The following AMPH variants were observed in gnomAD, a reference collection of about 807,000 sequenced individuals.
The protein encoded by AMPH is amphiphysin, also known as amphiphysin (Stiff-Mann syndrome with breast cancer 128kD autoantigen).
In AMPH, 49 loss-of-function variants were observed where a neutral mutation model predicts 99.1. The ratio of observed to expected loss-of-function variants is 0.49; its 90% CI spans 0.39 to 0.63. The LOEUF (loss-of-function observed/expected upper bound fraction) is 0.63. AMPH is among the 20% of genes least tolerant of loss of function. The probability of loss-of-function intolerance (pLI) is 0.00; values close to 1 mark genes in which losing one functional copy is unlikely to be tolerated. For missense variants in AMPH, 759 were observed against 863.4 expected (o/e 0.88, Z 1.52); for synonymous variants, 314 against 317.3 (o/e 0.99, Z 0.11).
chr7:38,611,431 GAA>G (rs1168972176), intron 1 of AMPH, among the ~76,000 whole-genome samples: 29 of 152,276 alleles, frequency 1.9e-4, no homozygotes, highest in African/African-American at 5.5e-4. Context: ...GTACACTTCA[GAA>G]TTTGTTAAGA....
chr7:38,520,866 C>CA (rs368842521), intron 2 of AMPH, among the ~76,000 whole-genome samples: 111 of 152,310 alleles, frequency 7.3e-4, no homozygotes, highest in African/African-American at 2.5e-3. Context: ...CATAGACCAC[C>CA]AACTATTCAC....
At position 38,398,440 on chromosome 7, in the gene AMPH, A is replaced by T. The variant is rs1212827137; in HGVS notation, c.1399-4226T>A. Among the ~76,000 whole-genome samples the T allele has an allele frequency of 2.0e-5, 3 of 152,250 alleles. No individual in the cohort carries two copies. In the East Asian group the frequency reaches 5.8e-4, roughly 29 times the overall value. ...TTATGTTAAGGGAAAAAAGCCAGGCACAGAAAGACAAACTTTGAATGTTCT... is the reference window on the plus strand; with the variant it reads ...TTATGTTAAGGGAAAAAAGCCAGGCTCAGAAAGACAAACTTTGAATGTTCT... On this transcript the variant is annotated intron_variant, in intron 17 of 20. Transcript: ENST00000356264.
intron 1 of AMPH, among the ~76,000 whole-genome samples, chr7:38,566,706 A>G (rs1033513079): frequency 6.6e-6 from 1 of 152,238 alleles, no homozygotes; most frequent in Non-Finnish European, 1.5e-5. Flanking sequence ...TACAAGAAAA[A>G]AAACATCAAA....
intron 1 of AMPH, among the ~76,000 whole-genome samples, chr7:38,619,499 G>A (rs1237222274): frequency 6.6e-6 from 1 of 152,154 alleles, no homozygotes; most frequent in Non-Finnish European, 1.5e-5. Flanking sequence ...CATCTAGATA[G>A]AAGATCAACA....
intron 19 of AMPH, among the ~76,000 whole-genome samples, chr7:38,390,358 C>T (rs1205253645): frequency 6.6e-6 from 1 of 152,124 alleles, no homozygotes; most frequent in Non-Finnish European, 1.5e-5. Context: ...TATTTCCTTC[C>T]TTCCCTATCC....
At chr7:38,627,788 T>C (rs1172776669) in intron 1 of AMPH, among the ~76,000 whole-genome samples, 1 of 152,076 alleles carries the variant, frequency 6.6e-6, no homozygotes, top group Non-Finnish European at 1.5e-5. Context: ...ATAGCTTTTA[T>C]TCATTAAAAG....
rs1480046895 is a variant in AMPH, at chr7:38,540,307, A to G, written c.70-5296T>C. The stretch of plus-strand genomic sequence containing the variant: ...CTGTTTTTCAAATGCAAAATAATAC[A>G]CTATGTTGACTAAGCTTTTCAAATT... On this transcript the variant is annotated intron_variant, in intron 1 of 20. Transcript: ENST00000356264. Among the ~76,000 whole-genome samples the G allele has an allele frequency of 1.3e-5, 2 of 152,244 alleles. 1 individual carries two copies. The highest frequency in any genetic ancestry group is 4.8e-5 in the African/African-American group (2 of 41,542).
chr7:38,511,266 G>A (rs528481774), intron 2 of AMPH, among the ~76,000 whole-genome samples: 6 of 152,276 alleles, frequency 3.9e-5, no homozygotes, highest in East Asian at 1.9e-4. Context: ...TTGATTGACC[G>A]AAGTTCTGCT....
intron 1 of AMPH, among the ~76,000 whole-genome samples, chr7:38,581,733 T>C (rs975354689): frequency 2.6e-5 from 4 of 152,054 alleles, no homozygotes; most frequent in African/African-American, 7.2e-5. Context: ...GGTGTAAAAA[T>C]GGTAGCATTC....
At chr7:38,521,056 C>A (rs1271167850) in intron 2 of AMPH, among the ~76,000 whole-genome samples, 1 of 152,116 alleles carries the variant, frequency 6.6e-6, no homozygotes, top group African/African-American at 2.4e-5. Context: ...AGATTTAGTA[C>A]TATGAATGTG....
intron 1 of AMPH, among the ~76,000 whole-genome samples, chr7:38,544,931 C>T (rs759598574): frequency 1.3e-5 from 2 of 152,170 alleles, no homozygotes; most frequent in Admixed American, 6.5e-5. Context: ...GAGATTCTTA[C>T]GTGTTTGGCC....
In AMPH at chr7:38,631,308, T is replaced by C; in HGVS notation, c.44A>G (p.Lys15Arg). 1 of 1,544,940 alleles carries C rather than the reference T, an allele frequency of 6.5e-7. No homozygotes were observed. Among genetic ancestry groups the C allele is most frequent in the Non-Finnish European group, 8.7e-7 (1 of 1,145,942 alleles). Residue 15 changes from lysine (K) to arginine (R), a missense_variant, in exon 1 of 21, where the codon AAG becomes AGG. Lys to Arg is a conservative substitution (Grantham distance 26). Coordinates refer to ENST00000356264, the MANE Select transcript of AMPH (RefSeq NM_001635.4). ...KTGIFAKNVQ[K>R]RLNRAQEKVL... ...CTTTTCCTGCGCGCGGTTGAGTCGC[T>C]TCTGGACGTTCTTGGCGAAGATGCC...
intron 11 of AMPH, among the ~76,000 whole-genome samples, chr7:38,441,801 T>TATATCTG (rs1308889635): frequency 0.28 from 11,302 of 40,166 alleles, 916 homozygotes; most frequent in Non-Finnish European, 0.32. Context: ...ATATATATCA[T>TATATCTG]ATATATATCA....
chr7:38,581,838 A>G (rs1250678903), intron 1 of AMPH, among the ~76,000 whole-genome samples: 4 of 152,218 alleles, frequency 2.6e-5, no homozygotes, highest in African/African-American at 4.8e-5. Context: ...ATGTTTCTGG[A>G]CTGAGCAACC....
At chr7:38,392,472 T>C (rs1026905554) in intron 18 of AMPH, 9 of 141,420 alleles carry the variant, frequency 6.4e-5, no homozygotes, top group East Asian at 2.2e-4. Flanking sequence ...CTGCAAACTC[T>C]GCCTCCCGGG....
intron 11 of AMPH, among the ~76,000 whole-genome samples, chr7:38,446,414 C>A (rs1786783311): frequency 6.6e-6 from 1 of 152,192 alleles, no homozygotes; most frequent in Non-Finnish European, 1.5e-5. Context: ...ACAACTCAAA[C>A]ATCCATCAGA....
rs1674246814 is a variant in AMPH, at chr7:38,580,703, CG to C, written c.70-45693del. Among the ~76,000 whole-genome samples, 4 of 147,528 alleles carry C rather than the reference CG, an allele frequency of 2.7e-5. No homozygotes were observed. The East Asian group carries it at 5.9e-4, about 22-fold the overall frequency. ...ATGATGATGATGATGATGATGATGA[CG>C]ATGACGATAAGGGTCTGAGAAGTCA... is the stretch of plus-strand genomic sequence containing the variant. On this transcript the variant is annotated intron_variant, in intron 1 of 20. Transcript: ENST00000356264.
rs190210118 is a variant in AMPH, at chr7:38,440,977, T to A, written c.1018-4589A>T. 1.1e-4 allele frequency among the ~76,000 whole-genome samples: 16 copies of A among 152,098 alleles called. No homozygotes were observed. In the East Asian group the frequency reaches 2.9e-3, roughly 27 times the overall value. On this transcript the variant is annotated intron_variant, in intron 11 of 20. Coordinates refer to ENST00000356264, the MANE Select transcript of AMPH (RefSeq NM_001635.4). ...TCATGCAATTAAAAGGCAGAGATTA[T>A]CTAATTGTACAAAAAAGCAAGACCC...
At chr7:38,595,543 T>C (rs1793021609) in intron 1 of AMPH, among the ~76,000 whole-genome samples, 1 of 152,114 alleles carries the variant, frequency 6.6e-6, no homozygotes, top group Non-Finnish European at 1.5e-5. Flanking sequence ...TCAATCAGGG[T>C]GTCCAGAAAA....
Sources: allele counts gnomAD v4.1 joint callset (sites outside exome capture counted in the v4.1 genomes callset), GRCh38; gene constraint gnomAD v4.1.1; transcripts MANE v1.5; gene names NCBI Gene and HGNC (gene_info 2026-07-23, HGNC 2026-07-21).